JAK1: variants seen among roughly 807,000 people sequenced by gnomAD.
The protein encoded by JAK1 is Janus kinase 1, also known as tyrosine-protein kinase JAK1.
JAK1 carries 16 observed loss-of-function variants against 136.6 expected under a neutral mutation model. The ratio of observed to expected loss-of-function variants is 0.12; its 90% CI spans 0.08 to 0.18. The LOEUF is 0.18. Among genes scored for constraint, JAK1 ranks in the 10% least tolerant of loss-of-function variants. The pLI is 1.00. For missense variants in JAK1, 859 were observed against 1,450.1 expected (o/e 0.59, Z 6.62); for synonymous variants, 492 against 519.5 (o/e 0.95, Z 0.72).
At chr1:64,864,644 A>C in intron 8 of JAK1, 143 bp downstream of exon 8, 1 of 633,622 alleles carries the variant, frequency 1.6e-6, no homozygotes, top group Middle Eastern at 2.6e-4. Flanking sequence ...TGCCTTGGTA[A>C]TAGGAACTTT....
intron 3 of JAK1, among the ~76,000 whole-genome samples, chr1:64,882,406 T>G (rs1644786961): frequency 6.6e-6 from 1 of 152,172 alleles, no homozygotes; most frequent in African/African-American, 2.4e-5. Context: ...TAAAACGAGT[T>G]GATAGAACCT....
chr1:65,010,752 T>A (rs766491782), intron 2 of JAK1, among the ~76,000 whole-genome samples: 16 of 152,170 alleles, frequency 1.1e-4, no homozygotes, highest in Non-Finnish European at 1.9e-4. Context: ...AGGCCAAAGC[T>A]TGAGGTTGGC....
chr1:64,992,815 G>A (rs1053835509), intron 2 of JAK1: 1 of 151,382 alleles, frequency 6.6e-6, no homozygotes, highest in African/African-American at 2.4e-5. Context: ...CAGGAATCCA[G>A]GAGGTGGAGC....
intron 1 of JAK1, among the ~76,000 whole-genome samples, chr1:64,900,580 C>CGTTCTAACTCTGTTGTCTCT (rs1307856305): frequency 1.3e-5 from 2 of 152,142 alleles, no homozygotes; most frequent in East Asian, 3.9e-4. Flanking sequence ...AAGCCCTAAT[C>CGTTCTAACTCTGTTGTCTCT]GTTCTAACTC....
intron 1 of JAK1, among the ~76,000 whole-genome samples, chr1:64,940,437 C>T (rs1645869168): frequency 6.6e-6 from 1 of 151,938 alleles, no homozygotes; most frequent in African/African-American, 2.4e-5. Context: ...TTGCCTCAGC[C>T]TCCCGATTAG....
intron 1 of JAK1, among the ~76,000 whole-genome samples, chr1:64,922,376 CCT>C (rs774954797): frequency 2.9e-4 from 44 of 152,148 alleles, no homozygotes; most frequent in Non-Finnish European, 5.1e-4. Context: ...GCTGGAATCC[CCT>C]GTCAGTTCAT....
intron 4 of JAK1, among the ~76,000 whole-genome samples, chr1:64,874,565 T>C (rs1476147570): frequency 6.6e-6 from 1 of 152,130 alleles, no homozygotes; most frequent in African/African-American, 2.4e-5. Flanking sequence ...CTTCCATATA[T>C]AACTTCCTCT....
At chr1:64,854,090 G>C (rs1025391351) in intron 11 of JAK1, among the ~76,000 whole-genome samples, 1 of 152,184 alleles carries the variant, frequency 6.6e-6, no homozygotes, top group African/African-American at 2.4e-5. Context: ...TATTCTCTGA[G>C]CCTGGCAGGA....
At chr1:64,988,062 C>A (rs1646616644) in intron 2 of JAK1, among the ~76,000 whole-genome samples, 2 of 152,164 alleles carry the variant, frequency 1.3e-5, no homozygotes, top group South Asian at 4.1e-4. Context: ...CCTTCCCTGG[C>A]TCATGAGAGT....
Position 65,013,118 on chromosome 1 carries a change from C to T in JAK1, c.-78+31362G>A, listed in dbSNP as rs573028981. 6.4e-4 allele frequency among the ~76,000 whole-genome samples: 82 copies of T among 128,714 alleles called. 1 individual carries two copies. The East Asian group carries it at 0.013, about 21-fold the overall frequency. 84.4% of individuals were successfully genotyped at this position (128,714 alleles called of 152,430 possible). ...CTCAAAAAAAAAAAAAAAAAAAGGC[C>T]GGTGCAGTGGCTCACACCTGTAATC... On this transcript the variant is annotated intron_variant, in intron 2 of 25. Coordinates refer to the JAK1 transcript ENST00000671954.
rs533407891 is a variant in JAK1 at position 64,941,315 on chromosome 1, GA to G, written c.-78+25017del. 6.7e-5 allele frequency among the ~76,000 whole-genome samples: 10 copies of G among 149,300 alleles called. No homozygotes were observed. The South Asian group carries it at 1.1e-3, about 16-fold the overall frequency. ...TATTGTAACTTGCATCCACATCTGG[GA>G]AAAAAAAAATTCATTCCTTAACTCT... On this transcript the variant is annotated intron_variant, in intron 1 of 24. Coordinates refer to ENST00000342505, the MANE Select transcript of JAK1 (RefSeq NM_002227.4).
rs376198596 is a variant in JAK1 at position 64,961,535 on chromosome 1, T to C, written c.-78+4798A>G. 6.6e-5 allele frequency among the ~76,000 whole-genome samples: 10 copies of C among 152,128 alleles called. No homozygotes were observed. In the South Asian group the frequency reaches 2.1e-3, roughly 32 times the overall value. On this transcript the variant is annotated intron_variant, in intron 1 of 24. Transcript: ENST00000342505. ...CACAAATTTGTGGAAAGAGCTACGG[T>C]CTTCACAATCTGGATCCAACCTGCA...
intron 1 of JAK1, among the ~76,000 whole-genome samples, chr1:64,937,053 G>A (rs61784749): frequency 2.0e-5 from 3 of 148,432 alleles, no homozygotes; most frequent in Non-Finnish European, 3.0e-5. Context: ...AAAAAAAAAG[G>A]ATCAACTATT....
At chr1:64,933,043 G>A (rs1216746486) in intron 1 of JAK1, among the ~76,000 whole-genome samples, 2 of 151,882 alleles carry the variant, frequency 1.3e-5, no homozygotes, top group African/African-American at 4.8e-5. Context: ...CAGTAACAAT[G>A]AGAAAAAATA....
At chr1:64,999,697 T>A (rs1049336550) in intron 2 of JAK1, among the ~76,000 whole-genome samples, 32 of 150,728 alleles carry the variant, frequency 2.1e-4, no homozygotes. Context: ...ATCACACCAT[T>A]GCACTCCAGC....
chr1:64,943,788 C>T (rs961776624), intron 1 of JAK1, among the ~76,000 whole-genome samples: 1 of 150,932 alleles, frequency 6.6e-6, no homozygotes, highest in Non-Finnish European at 1.5e-5. Context: ...ATATTTGTAC[C>T]ATATGTGACA....
intron 2 of JAK1, among the ~76,000 whole-genome samples, chr1:64,991,133 G>T (rs528504966): frequency 2.6e-5 from 4 of 152,188 alleles, no homozygotes; most frequent in Non-Finnish European, 5.9e-5. Flanking sequence ...CCAGTACAAA[G>T]ATAGAAGTTA....
intron 2 of JAK1, among the ~76,000 whole-genome samples, chr1:65,031,775 C>A (rs980196452): frequency 1.3e-5 from 2 of 151,900 alleles, no homozygotes; most frequent in African/African-American, 4.8e-5. Flanking sequence ...AAAAATCATA[C>A]ACACATGCCA....
intron 1 of JAK1, among the ~76,000 whole-genome samples, chr1:64,907,460 A>G (rs571969864): frequency 3.3e-5 from 5 of 152,294 alleles, no homozygotes; most frequent in Admixed American, 1.3e-4. Flanking sequence ...CACCTCCCTG[A>G]GCCCAGGTTC....
Sources: gnomAD v4.1 joint callset for allele counts (sites outside exome capture counted in the v4.1 genomes callset) on GRCh38, gnomAD v4.1.1 for gene constraint, MANE v1.5 for transcripts, NCBI Gene and HGNC (gene_info 2026-07-23, HGNC 2026-07-21) for gene names.